The following MTIF2 variants were observed in gnomAD, a reference collection of about 807,000 sequenced individuals.
MTIF2 encodes the protein mitochondrial translational initiation factor 2.
MTIF2 carries 71 observed loss-of-function variants against 83.5 expected under a neutral mutation model. The ratio of observed to expected loss-of-function variants is 0.85; its 90% CI spans 0.70 to 1.04. The LOEUF is 1.04. MTIF2 is among the 50% of genes least tolerant of loss of function. The pLI is 0.00. For missense variants in MTIF2, 957 were observed against 846.5 expected, an observed-to-expected ratio of 1.13 and a Z score of -1.62; for synonymous variants, 319 against 287.1, an observed-to-expected ratio of 1.11 and a Z score of -1.12.
At chr2:55,239,355 C>A (rs1241718468) in intron 14 of MTIF2, among the ~76,000 whole-genome samples, 4 of 152,086 alleles carry the variant, frequency 2.6e-5, no homozygotes, top group African/African-American at 9.7e-5. Flanking sequence ...AAAAACATCA[C>A]GTGTGCATGG....
intron 13 of MTIF2, among the ~76,000 whole-genome samples, chr2:55,242,248 T>C (rs561125174): frequency 3.3e-5 from 5 of 152,326 alleles, no homozygotes; most frequent in African/African-American, 1.2e-4. Context: ...TACTTTTAAT[T>C]AATCAGTTAG....
chr2:55,263,516 A>G, intron 4 of MTIF2, 124 bp downstream of exon 4: 1 of 670,820 alleles, frequency 1.5e-6, no homozygotes, highest in South Asian at 2.0e-5. Context: ...AGGCTGAGGC[A>G]GGAGAATTGC....
In MTIF2 at chr2:55,263,740, G is replaced by T. The variant is rs1414344552; in HGVS notation, c.119C>A (p.Ala40Asp). Residue 40 changes from alanine to aspartate, a missense_variant, in exon 4 of 16, where the codon GCT becomes GAT. By Grantham distance (126) the Ala-to-Asp change is moderately radical. Around this residue, in one of 3 missense-constraint regions of MTIF2, gnomAD observed 733 missense variants for 648.7 expected, o/e 1.13. Transcript: ENST00000263629. Reference protein sequence around the residue: ...LRQWRHGFSSAYPVWTAQLCA... With the variant: ...LRQWRHGFSSDYPVWTAQLCA... ...CAGTTGAGCTGTCCACACAGGGTAA[G>T]CAGATGAAAACCCATGCCTCCACTG... 6.2e-7 allele frequency: 1 copy of T among 1,614,156 alleles called. No individual in the cohort carries two copies. Among genetic ancestry groups the T allele is most frequent in the South Asian group, 1.1e-5 (1 of 91,090 alleles).
At chr2:55,255,397 TTA>T (rs901198588) in intron 5 of MTIF2, among the ~76,000 whole-genome samples, 7 of 146,624 alleles carry the variant, frequency 4.8e-5, no homozygotes, top group Non-Finnish European at 7.5e-5. Flanking sequence ...ATATATAGTA[TTA>T]TATATAATAT....
At chr2:55,256,239 C>T (rs1190147772) in intron 5 of MTIF2, among the ~76,000 whole-genome samples, 2 of 151,992 alleles carry the variant, frequency 1.3e-5, no homozygotes, top group Admixed American at 6.6e-5. Context: ...ACAGAATCCA[C>T]ACCTAAAATA....
At chr2:55,269,044 G>GGGATTAAAT (rs1404839618) in intron 1 of MTIF2, 125 bp downstream of exon 1, 1 of 152,228 alleles carries the variant, frequency 6.6e-6, no homozygotes, top group Non-Finnish European at 1.5e-5. Flanking sequence ...ATCTTGGAAA[G>GGGATTAAAT]GCTTCCGAAC....
At chr2:55,244,784 C>T (rs1390529269) in intron 10 of MTIF2, among the ~76,000 whole-genome samples, 1 of 152,038 alleles carries the variant, frequency 6.6e-6, no homozygotes, top group Non-Finnish European at 1.5e-5. Context: ...CAGTGGCTCA[C>T]ACCTGTAATC....
chr2:55,246,463 T>G lies in MTIF2; in HGVS notation c.982-2A>C. ...TGCCAAAGCCATCAGATTATCGCCC[T>G]TTAACAATAACAAACGTTGTTAATA... On this transcript the variant is annotated splice_acceptor_variant, in intron 9 of 15. Coordinates refer to ENST00000263629, the MANE Select transcript of MTIF2 (RefSeq NM_002453.3). LOFTEE classifies it high-confidence loss of function. 1 of 1,612,588 alleles carries G rather than the reference T, an allele frequency of 6.2e-7. No individual in the cohort carries two copies.
chr2:55,236,724 A>C lies in MTIF2; in HGVS notation c.2108T>G (p.Phe703Cys), dbSNP rs770255108. 6.2e-6 allele frequency: 10 copies of C among 1,611,000 alleles called. No individual in the cohort carries two copies. Among genetic ancestry groups the C allele is most frequent in the Non-Finnish European group, 8.5e-6 (10 of 1,179,174 alleles). ...ACAAACAATTCTGTCTCCCACTTGA[A>C]ATTCCATATTGTCTTCATCTAAACT... ...GLSLDEDNME[F>C]QVGDRIVCYE... Residue 703 changes from phenylalanine to cysteine, a missense_variant, in exon 16 of 16, where the codon TTT becomes TGT. Phe to Cys is a radical substitution (Grantham distance 205, BLOSUM62 -2). This residue lies in a region of MTIF2 where 221 missense variants were observed against 180.6 expected (regional missense o/e 1.22). Coordinates refer to ENST00000263629, the MANE Select transcript of MTIF2 (RefSeq NM_002453.3).
chr2:55,240,108 T>G lies in MTIF2; in HGVS notation c.1773A>C (p.Val591=), dbSNP rs146576525. The change falls in exon 14 of 16, where the codon GTA becomes GTC. Residue 591 remains valine (V), a synonymous_variant. Coordinates refer to ENST00000263629, the MANE Select transcript of MTIF2 (RefSeq NM_002453.3). ...VIQQSAAKKG[V]KIKLHKIIYR... is the part of the protein sequence containing the mutation. ...AAATTATTTTGTGAAGTTTAATTTT[T>G]ACTCCTTTTTTTGCAGCTGACTGTT... The G allele has an allele frequency of 1.2e-6, 2 of 1,614,068 alleles. No individual in the cohort carries two copies. Among genetic ancestry groups the G allele is most frequent in the South Asian group, 2.2e-5 (2 of 91,076 alleles).
intron 5 of MTIF2, among the ~76,000 whole-genome samples, chr2:55,255,113 A>G (rs1677408148): frequency 1.3e-5 from 2 of 151,860 alleles, no homozygotes; most frequent in Admixed American, 1.3e-4. Flanking sequence ...TTTAGTATTT[A>G]TAATAATTGA....
chr2:55,249,469 C>G lies in MTIF2; in HGVS notation c.907G>C (p.Glu303Gln). 1.2e-6 allele frequency: 2 copies of G among 1,614,120 alleles called. No homozygotes were observed. Among genetic ancestry groups the G allele is most frequent in the Non-Finnish European group, 1.7e-6 (2 of 1,180,018 alleles). Residue 303 changes from glutamate (E) to glutamine (Q), a missense_variant, in exon 9 of 16, where the codon GAG becomes CAG. Coordinates refer to ENST00000263629, the MANE Select transcript of MTIF2 (RefSeq NM_002453.3). ...CATACCACATCGTAAGCCAGCAGCT[C>G]TTTTTTCACTTTCTCAGGATCAGCC... is the stretch of plus-strand genomic sequence containing the variant. ...AEADPEKVKK[E>Q]LLAYDVVCED...
intron 5 of MTIF2, among the ~76,000 whole-genome samples, chr2:55,258,902 C>G (rs1446895938): frequency 6.6e-6 from 1 of 151,730 alleles, no homozygotes; most frequent in Non-Finnish European, 1.5e-5. Flanking sequence ...ATTGCTTGAA[C>G]CTGAGAGGTG....
rs572402506 is a variant in MTIF2 at position 55,253,957 on chromosome 2, A to C, written c.664+84T>G. Reference sequence around the variant, plus strand: ...GCTTTAGCCTTCTCTTGTACTTTGAATTTGTATATTTCATACTATGACATT... The same window carrying C: ...GCTTTAGCCTTCTCTTGTACTTTGACTTTGTATATTTCATACTATGACATT... On this transcript the variant is annotated intron_variant, in intron 7 of 15. Coordinates refer to ENST00000263629, the MANE Select transcript of MTIF2 (RefSeq NM_002453.3). The C allele has an allele frequency of 9.9e-6, 14 of 1,419,094 alleles. No homozygotes were observed. In the East Asian group the frequency reaches 3.3e-4, roughly 34 times the overall value. The allele number at this position is 1,419,094 out of a possible 1,614,324, so 87.9% of individuals were successfully genotyped here. A position where few individuals can be genotyped will look rare whatever the true frequency, so the allele number is the denominator to read the frequency against.
At position 55,236,638 on chromosome 2, in the gene MTIF2, T is replaced by G. The variant is rs1573836766; in HGVS notation, c.*10A>C. On this transcript the variant is annotated 3_prime_UTR_variant, in exon 16 of 16. Transcript: ENST00000263629. ...CAACACGTTGAGTTATTTACATTTT[T>G]AATGTAATTTTAAAATCCTGGATCC... 3.8e-6 allele frequency: 6 copies of G among 1,578,302 alleles called. No individual in the cohort carries two copies. In the East Asian group the frequency reaches 1.4e-4, roughly 36 times the overall value.
intron 13 of MTIF2, 135 bp from the exon 14 acceptor site, chr2:55,240,310 G>C: frequency 1.2e-6 from 1 of 808,028 alleles, no homozygotes; most frequent in South Asian, 1.9e-5. Flanking sequence ...GCCAGGTGCA[G>C]TGGCTCACGC....
rs561472882 is a variant in MTIF2, at chr2:55,254,729, G to A, written c.428C>T (p.Thr143Met). ...CCACTTTAACTTCATCCCTGCCTTCGTTATCACTTCTTTGATCCAGACTTC... is the reference window on the plus strand; with the variant it reads ...CCACTTTAACTTCATCCCTGCCTTCATTATCACTTCTTTGATCCAGACTTC... ...LDEVWIKEVI[T>M]KAGMKLKWSK... Residue 143 changes from threonine to methionine, a missense_variant, in exon 6 of 16, where the codon ACG (threonine) becomes ATG (methionine). By Grantham distance (81) the Thr-to-Met change is moderately conservative. Coordinates refer to ENST00000263629, the MANE Select transcript of MTIF2 (RefSeq NM_002453.3). 1.2e-5 allele frequency: 20 copies of A among 1,609,426 alleles called. 1 individual carries two copies. In the East Asian group the frequency reaches 1.6e-4, roughly 13 times the overall value.
At chr2:55,257,187 T>C (rs1223654330) in intron 5 of MTIF2, among the ~76,000 whole-genome samples, 1 of 152,026 alleles carries the variant, frequency 6.6e-6, no homozygotes, top group Non-Finnish European at 1.5e-5. Context: ...AGAGTAGATA[T>C]GAAAGAAGGC....
chr2:55,263,629 T>C lies in MTIF2; in HGVS notation c.219+11A>G, dbSNP rs1678207994. On this transcript the variant is annotated intron_variant, in intron 4 of 15. Coordinates refer to ENST00000263629, the MANE Select transcript of MTIF2 (RefSeq NM_002453.3). ...CATCTCAAAAAAAAAAAAAAAGAAATCTGTAACTACCTTTTTTGTTACTAG... is the reference window on the plus strand; with the variant it reads ...CATCTCAAAAAAAAAAAAAAAGAAACCTGTAACTACCTTTTTTGTTACTAG... The C allele has an allele frequency of 6.5e-7, 1 of 1,550,300 alleles. No individual in the cohort carries two copies.
Sources: gnomAD v4.1 joint callset for allele counts (sites outside exome capture counted in the v4.1 genomes callset) on GRCh38, gnomAD v4.1.1 for gene constraint, gnomAD v4.1.1 regional missense constraint, MANE v1.5 for transcripts, NCBI Gene and HGNC (gene_info 2026-07-23, HGNC 2026-07-21) for gene names.